Variants in COQ5 observed in about 807,000 individuals in gnomAD.
COQ5 encodes 2-methoxy-6-polyprenyl-1,4-benzoquinol methylase, mitochondrial.
A neutral mutation model predicts 40.5 loss-of-function variants in COQ5; 27 were observed. The observed-to-expected ratio is 0.67, with a 90% CI of 0.49 to 0.92. The LOEUF is 0.92. Ranked by LOEUF, COQ5 falls within the 40% of genes least tolerant of loss-of-function variation. COQ5 has a pLI of 0.00. For missense variants in COQ5, 409 were observed against 406.4 expected (o/e 1.01, Z -0.06); for synonymous variants, 141 against 150.0 (o/e 0.94, Z 0.44).
Position 120,504,967 on chromosome 12 carries a change from T to A in COQ5, c.698A>T (p.His233Leu), listed in dbSNP as rs1438328808. Residue 233 changes from histidine (H) to leucine (L), a missense_variant, in exon 5 of 7, where the codon CAT becomes CTT. His to Leu is a moderately conservative substitution (Grantham distance 99). Coordinates refer to ENST00000288532, the MANE Select transcript of COQ5 (RefSeq NM_032314.4). ...THIDQALQEA[H>L]RVLKPGGRFL... ...CCGTCCTCCTGGTTTCAGCACCCGA[T>A]GAGCTTCCTGGAGTGCCTGAGCAAG... 6.2e-7 allele frequency: 1 copy of A among 1,614,074 alleles called. No individual in the cohort carries two copies. The highest frequency in any genetic ancestry group is 1.1e-5 in the South Asian group (1 of 91,086).
intron 1 of COQ5, chr12:120,522,946 G>A: frequency 1.6e-6 from 1 of 623,830 alleles, no homozygotes; most frequent in Non-Finnish European, 2.8e-6. Flanking sequence ...CTGTTGGCCT[G>A]CATCTTTTTT....
Position 120,529,155 on chromosome 12 carries a change from T to A in COQ5, c.-14A>T. ...GGGGGCCGCCATCTTGGTAGTCGAGTGACAACGGCCAGAGAGTACGCCTTG... is the reference window on the plus strand; with the variant it reads ...GGGGGCCGCCATCTTGGTAGTCGAGAGACAACGGCCAGAGAGTACGCCTTG... On this transcript the variant is annotated 5_prime_UTR_variant, in exon 1 of 7. Coordinates refer to ENST00000288532, the MANE Select transcript of COQ5 (RefSeq NM_032314.4). The A allele has an allele frequency of 6.2e-7, 1 of 1,607,678 alleles. No homozygotes were observed. The highest frequency in any genetic ancestry group is 8.5e-7 in the Non-Finnish European group (1 of 1,175,964).
chr12:120,526,234 T>C (rs1287953554), intron 1 of COQ5, among the ~76,000 whole-genome samples: 1 of 152,224 alleles, frequency 6.6e-6, no homozygotes, highest in East Asian at 1.9e-4. Context: ...GTACTTGTAT[T>C]GCCTCTTTAT....
intron 4 of COQ5, 75 bp from the exon 5 acceptor site, chr12:120,505,058 A>G (rs1868818016): frequency 8.3e-7 from 1 of 1,200,200 alleles, no homozygotes; most frequent in Admixed American, 1.8e-5. Context: ...AGACAGCTTT[A>G]GCTTCTGCAG....
chr12:120,520,486 C>T (rs1215923403), intron 2 of COQ5, among the ~76,000 whole-genome samples: 1 of 151,918 alleles, frequency 6.6e-6, no homozygotes, highest in Non-Finnish European at 1.5e-5. Context: ...CCACCACAAC[C>T]GACCAATTTT....
At chr12:120,508,695 T>A (rs1199646082) in intron 4 of COQ5, among the ~76,000 whole-genome samples, 2 of 152,182 alleles carry the variant, frequency 1.3e-5, no homozygotes, top group African/African-American at 4.8e-5. Context: ...GATTGTCACA[T>A]ATAACCTTTT....
intron 3 of COQ5, among the ~76,000 whole-genome samples, chr12:120,514,247 G>A (rs1043644300): frequency 6.6e-6 from 1 of 152,026 alleles, no homozygotes; most frequent in Non-Finnish European, 1.5e-5. Context: ...GCTGCAGCTC[G>A]TCTAGGCAGC....
At chr12:120,522,740 T>G in intron 1 of COQ5, 1 of 656,888 alleles carries the variant, frequency 1.5e-6, no homozygotes, top group Non-Finnish European at 2.7e-6. Flanking sequence ...GGTTTGATCT[T>G]TGGCCTTGGC....
intron 4 of COQ5, 143 bp from the exon 5 acceptor site, chr12:120,505,126 G>GT: frequency 1.4e-6 from 1 of 719,572 alleles, no homozygotes; most frequent in South Asian, 1.5e-5. Flanking sequence ...TTGGGAAGCT[G>GT]TAACAGCAGC....
rs1285806707 is a variant in COQ5 at position 120,516,629 on chromosome 12, T to C, written c.512A>G (p.Asp171Gly). The change falls in exon 3 of 7, where the codon GAC becomes GGC. Residue 171 changes from aspartate (D) to glycine (G), a missense_variant. Asp to Gly is a moderately conservative substitution (Grantham distance 94). Coordinates refer to ENST00000288532, the MANE Select transcript of COQ5 (RefSeq NM_032314.4). ...SLGGSRVVVC[D>G]INKEMLKVGK... ...AACCTTTAGCATCTCCTTGTTGATGTCACACACCACGACACGAGACCCGCC... is the reference window on the plus strand; with the variant it reads ...AACCTTTAGCATCTCCTTGTTGATGCCACACACCACGACACGAGACCCGCC... 6.8e-6 allele frequency: 11 copies of C among 1,614,108 alleles called. No homozygotes were observed. Among genetic ancestry groups the C allele is most frequent in the Non-Finnish European group, 9.3e-6 (11 of 1,180,044 alleles).
chr12:120,510,566 G>A (rs908357430), intron 3 of COQ5, among the ~76,000 whole-genome samples: 1 of 152,008 alleles, frequency 6.6e-6, no homozygotes, highest in African/African-American at 2.4e-5. Context: ...CTCCCGCCTC[G>A]GCCTCCCAAA....
chr12:120,528,536 C>A (rs997311513), intron 1 of COQ5, among the ~76,000 whole-genome samples: 1 of 152,080 alleles, frequency 6.6e-6, no homozygotes, highest in Non-Finnish European at 1.5e-5. Context: ...TCTGGCTGGG[C>A]GCGGTGGCTC....
intron 1 of COQ5, among the ~76,000 whole-genome samples, chr12:120,524,265 A>AT (rs941136816): frequency 1.2e-3 from 179 of 144,954 alleles, no homozygotes; most frequent in Middle Eastern, 3.5e-3. Context: ...TTAAAGTTAC[A>AT]TTTTTTTTTT....
chr12:120,522,269 G>C lies in COQ5; in HGVS notation c.297C>G (p.Leu99=). 1.2e-6 allele frequency: 2 copies of C among 1,614,100 alleles called. No individual in the cohort carries two copies. The highest frequency in any genetic ancestry group is 2.2e-5 in the South Asian group (2 of 91,084). ...TCCCAGGAAGCGGGTGCATCTTCCA[G>C]AGCAGCAAATCCTTCCAAACACGAT... is the stretch of plus-strand genomic sequence containing the variant. The part of the protein sequence containing the change: ...GIHRVWKDLL[L]WKMHPLPGTQ... Residue 99 remains leucine, a synonymous_variant, in exon 2 of 7, where the codon CTC becomes CTG. Coordinates refer to ENST00000288532, the MANE Select transcript of COQ5 (RefSeq NM_032314.4).
intron 1 of COQ5, 180 bp from the exon 2 acceptor site, chr12:120,522,543 T>A: frequency 1.5e-6 from 1 of 661,684 alleles, no homozygotes; most frequent in South Asian, 1.8e-5. Context: ...GATTTATTTT[T>A]TTTTCCTGCC....
At chr12:120,505,845 C>T (rs375557911) in intron 4 of COQ5, among the ~76,000 whole-genome samples, 9 of 151,390 alleles carry the variant, frequency 5.9e-5, no homozygotes, top group East Asian at 1.9e-4. Flanking sequence ...TGTGAGCCAC[C>T]GCACCCAGCC....
At chr12:120,506,533 A>AT (rs1315728519) in intron 4 of COQ5, among the ~76,000 whole-genome samples, 3 of 151,670 alleles carry the variant, frequency 2.0e-5, no homozygotes, top group Admixed American at 6.6e-5. Flanking sequence ...CACCCGGCTA[A>AT]TTTTTGCATT....
Position 120,522,286 on chromosome 12 carries a change from A to T in COQ5, c.280T>A (p.Trp94Arg). 1.2e-6 allele frequency: 2 copies of T among 1,614,066 alleles called. No homozygotes were observed. Among genetic ancestry groups the T allele is most frequent in the Non-Finnish European group, 1.7e-6 (2 of 1,179,920 alleles). Residue 94 changes from tryptophan to arginine, a missense_variant, in exon 2 of 7, where the codon TGG becomes AGG. Physicochemically the swap from Trp to Arg is moderately radical, Grantham distance 101. Coordinates refer to ENST00000288532, the MANE Select transcript of COQ5 (RefSeq NM_032314.4). ...ATCTTCCAGAGCAGCAAATCCTTCC[A>T]AACACGATGGATACCAAGACTCATC... ...DMMSLGIHRV[W>R]KDLLLWKMHP...
At chr12:120,515,891 C>T (rs1333767815) in intron 3 of COQ5, among the ~76,000 whole-genome samples, 2 of 152,176 alleles carry the variant, frequency 1.3e-5, no homozygotes, top group African/African-American at 4.8e-5. Context: ...AACTGCACTC[C>T]TTGTGGCTGA....
Sources: gnomAD v4.1 joint callset for allele counts (sites outside exome capture counted in the v4.1 genomes callset) on GRCh38, gnomAD v4.1.1 for gene constraint, MANE v1.5 for transcripts, NCBI Gene and HGNC (gene_info 2026-07-23, HGNC 2026-07-21) for gene names.